CNIH3: variants seen among roughly 807,000 people sequenced by gnomAD.
CNIH3 encodes the protein protein cornichon homolog 3.
A neutral mutation model predicts 24.1 loss-of-function variants in CNIH3; 14 were observed. The observed-to-expected ratio is 0.58, with a 90% CI of 0.38 to 0.91. The LOEUF is 0.91. CNIH3 is among the 40% of genes least tolerant of loss of function. The pLI, the probability that CNIH3 is intolerant of heterozygous loss-of-function variation, is 0.00. For missense variants in CNIH3, 178 were observed against 196.8 expected, an observed-to-expected ratio of 0.90 and a Z score of 0.57; for synonymous variants, 68 against 73.8, an observed-to-expected ratio of 0.92 and a Z score of 0.40.
intron 3 of CNIH3, among the ~76,000 whole-genome samples, chr1:224,719,678 T>G (rs748544996): frequency 9.2e-5 from 14 of 152,220 alleles, no homozygotes; most frequent in Non-Finnish European, 1.9e-4. Flanking sequence ...ATTTTGTAGA[T>G]GGACAAACTG....
chr1:224,558,798 C>T (rs1680247437), intron 3 of CNIH3, among the ~76,000 whole-genome samples: 1 of 152,176 alleles, frequency 6.6e-6, no homozygotes, highest in African/African-American at 2.4e-5. Context: ...GACTGTGAAA[C>T]GAGGACACCT....
At chr1:224,641,043 A>G (rs1323890632) in intron 1 of CNIH3, among the ~76,000 whole-genome samples, 1 of 152,206 alleles carries the variant, frequency 6.6e-6, no homozygotes, top group South Asian at 2.1e-4. Context: ...GTGATCAGGC[A>G]AGTGCAATTC....
intron 4 of CNIH3, among the ~76,000 whole-genome samples, chr1:224,577,096 A>G (rs1319318628): frequency 6.6e-6 from 1 of 152,222 alleles, no homozygotes; most frequent in African/African-American, 2.4e-5. Flanking sequence ...CTAATACCTG[A>G]AGTCACAAAA....
chr1:224,474,827 A>G (rs1178569430), intron 1 of CNIH3, among the ~76,000 whole-genome samples: 1 of 151,852 alleles, frequency 6.6e-6, no homozygotes, highest in Non-Finnish European at 1.5e-5. Flanking sequence ...GGAGATCGAG[A>G]CCATCCTGAC....
At chr1:224,652,938 C>A (rs1331395209) in intron 1 of CNIH3, among the ~76,000 whole-genome samples, 1 of 152,194 alleles carries the variant, frequency 6.6e-6, no homozygotes, top group East Asian at 1.9e-4. Context: ...ATTGGGAACA[C>A]AGCAGGAGCA....
chr1:224,501,214 A>C (rs1350021204), intron 1 of CNIH3, among the ~76,000 whole-genome samples: 1 of 152,176 alleles, frequency 6.6e-6, no homozygotes, highest in African/African-American at 2.4e-5. Flanking sequence ...GAACAGAAAG[A>C]CACTTGAGGT....
chr1:224,583,836 G>A lies in CNIH3; in HGVS notation n.620+569G>A, dbSNP rs141432089. On this transcript the variant is annotated intron_variant and non_coding_transcript_variant, in intron 5 of 5. Coordinates refer to the CNIH3 transcript ENST00000471578. Reference sequence around the variant, plus strand: ...TAATGTAATGGAACTTGGATTTCTGGTGGTGGCAAAGGAAATGGATAAGAA... The same window carrying A: ...TAATGTAATGGAACTTGGATTTCTGATGGTGGCAAAGGAAATGGATAAGAA... 7.9e-5 allele frequency among the ~76,000 whole-genome samples: 12 copies of A among 152,310 alleles called. No homozygotes were observed. In the East Asian group the frequency reaches 1.5e-3, roughly 20 times the overall value.
At chr1:224,555,729 C>A (rs1319434463) in intron 3 of CNIH3, among the ~76,000 whole-genome samples, 1 of 152,188 alleles carries the variant, frequency 6.6e-6, no homozygotes, top group Non-Finnish European at 1.5e-5. Flanking sequence ...TAAAAGTTAT[C>A]GATTATGAAT....
chr1:224,685,333 G>A (rs1686602461), intron 3 of CNIH3, among the ~76,000 whole-genome samples: 2 of 152,176 alleles, frequency 1.3e-5, no homozygotes, highest in Admixed American at 1.3e-4. Flanking sequence ...GTTACTAAAG[G>A]CAGAGTCACG....
chr1:224,590,869 A>T (rs1269504208), downstream of CNIH3, among the ~76,000 whole-genome samples: 1 of 148,012 alleles, frequency 6.8e-6, no homozygotes, highest in African/African-American at 2.5e-5. Context: ...CTGTGTCCAG[A>T]GCCTGGTCAC....
intron 1 of CNIH3, among the ~76,000 whole-genome samples, chr1:224,663,739 C>G (rs1685470096): frequency 6.6e-6 from 1 of 152,198 alleles, no homozygotes; most frequent in Non-Finnish European, 1.5e-5. Flanking sequence ...ACTCACTTAT[C>G]CAGATGCAGA....
chr1:224,456,610 C>T (rs77612895), intron 1 of CNIH3, among the ~76,000 whole-genome samples: 9,644 of 152,164 alleles, frequency 0.063, 517 homozygotes, highest in Admixed American at 0.16. Flanking sequence ...AGGATTGTAC[C>T]GTGTTGCTCA....
chr1:224,570,285 AG>A (rs1422089187), intron 4 of CNIH3, among the ~76,000 whole-genome samples: 1 of 152,210 alleles, frequency 6.6e-6, no homozygotes, highest in Admixed American at 6.5e-5. Flanking sequence ...TAGTGAGCAT[AG>A]TACCCAATAG....
At chr1:224,739,241 C>T in intron 5 of CNIH3, 88 bp from the exon 6 acceptor site, 1 of 1,546,660 alleles carries the variant, frequency 6.5e-7, no homozygotes, top group Non-Finnish European at 8.7e-7. Context: ...TGGAAGGTCC[C>T]TCTCCTGAGG....
chr1:224,736,641 G>A (rs1429593244), intron 5 of CNIH3, among the ~76,000 whole-genome samples: 1 of 152,186 alleles, frequency 6.6e-6, no homozygotes, highest in Non-Finnish European at 1.5e-5. Context: ...ACTTGGTTCT[G>A]CCTTCCCTCC....
intron 1 of CNIH3, among the ~76,000 whole-genome samples, chr1:224,652,051 C>T (rs1684884229): frequency 6.6e-6 from 1 of 152,102 alleles, no homozygotes; most frequent in Non-Finnish European, 1.5e-5. Flanking sequence ...CACTCCTTAG[C>T]CAACCAGTGA....
At chr1:224,531,364 G>T (rs184347913) in intron 2 of CNIH3, among the ~76,000 whole-genome samples, 1 of 152,166 alleles carries the variant, frequency 6.6e-6, no homozygotes, top group African/African-American at 2.4e-5. Context: ...TGAATGTTAT[G>T]AAGAGGTGCA....
intron 2 of CNIH3, among the ~76,000 whole-genome samples, chr1:224,531,237 G>A (rs1026100805): frequency 6.6e-6 from 1 of 152,182 alleles, no homozygotes; most frequent in Non-Finnish European, 1.5e-5. Context: ...CCTAGGCACT[G>A]GGGGTACAGT....
intron 3 of CNIH3, among the ~76,000 whole-genome samples, chr1:224,605,171 C>A (rs990001402): frequency 6.6e-6 from 1 of 152,236 alleles, no homozygotes; most frequent in Non-Finnish European, 1.5e-5. Flanking sequence ...AACAGGAAGA[C>A]AAGTTCTTAA....
Sources: allele counts gnomAD v4.1 joint callset (sites outside exome capture counted in the v4.1 genomes callset), GRCh38; gene constraint gnomAD v4.1.1; transcripts MANE v1.5; gene names NCBI Gene and HGNC (gene_info 2026-07-23, HGNC 2026-07-21).